Variants in RSL1D1 observed in about 807,000 individuals in gnomAD.
RSL1D1 encodes the protein ribosomal L1 domain-containing protein 1.
A neutral mutation model predicts 44.6 loss-of-function variants in RSL1D1; 34 were observed. The ratio of observed to expected loss-of-function variants is 0.76; its 90% CI spans 0.58 to 1.02. RSL1D1 has a LOEUF of 1.02. Among genes scored for constraint, RSL1D1 ranks in the 50% least tolerant of loss-of-function variants. The probability of loss-of-function intolerance (pLI) is 0.00; values close to 1 mark genes in which losing one functional copy is unlikely to be tolerated. For synonymous variants in RSL1D1, 271 were observed against 207.4 expected, an observed-to-expected ratio of 1.31 and a Z score of -2.63; for missense variants, 767 against 568.1, an observed-to-expected ratio of 1.35 and a Z score of -3.56.
Position 11,839,952 on chromosome 16 carries a change from C to T in RSL1D1, c.889G>A (p.Glu297Lys), listed in dbSNP as rs1382624183. ...ARRKRRERNF[E>K]KQKERKKKRQ... ...TTCTTCTTCCTCTCCTTTTGTTTTT[C>T]AAAATTTCTTTCTCTTCGTTTTCTC... The change falls in exon 8 of 9, where the codon GAA becomes AAA. Residue 297 changes from glutamate (E) to lysine (K), a missense_variant. Glu to Lys is a moderately conservative substitution (Grantham distance 56, BLOSUM62 1). Coordinates refer to ENST00000571133, the MANE Select transcript of RSL1D1 (RefSeq NM_015659.3). 6 of 1,612,198 alleles carry T rather than the reference C, an allele frequency of 3.7e-6. No homozygotes were observed. The South Asian group carries it at 5.5e-5, about 15-fold the overall frequency.
At chr16:11,840,230 G>C (rs2053755831) in intron 7 of RSL1D1, among the ~76,000 whole-genome samples, 1 of 152,190 alleles carries the variant, frequency 6.6e-6, no homozygotes, top group Non-Finnish European at 1.5e-5. Context: ...AAAGTATACA[G>C]TTAAGAGACT....
At chr16:11,849,730 G>A (rs1170660270) in intron 2 of RSL1D1, among the ~76,000 whole-genome samples, 1 of 152,042 alleles carries the variant, frequency 6.6e-6, no homozygotes, top group Non-Finnish European at 1.5e-5. Context: ...TTATTCTTTC[G>A]AACACCACGT....
intron 8 of RSL1D1, among the ~76,000 whole-genome samples, chr16:11,839,031 G>A (rs1361048993): frequency 1.3e-5 from 2 of 152,078 alleles, no homozygotes; most frequent in Non-Finnish European, 2.9e-5. Context: ...CACATCCCTG[G>A]CACATGGTGT....
At chr16:11,847,268 G>C (rs931473006) in intron 3 of RSL1D1, among the ~76,000 whole-genome samples, 21 of 152,094 alleles carry the variant, frequency 1.4e-4, no homozygotes, top group African/African-American at 5.1e-4. Context: ...CCAGCTATTC[G>C]GTAGGCTGAG....
At chr16:11,848,657 C>T (rs1467084552) in intron 2 of RSL1D1, among the ~76,000 whole-genome samples, 1 of 152,136 alleles carries the variant, frequency 6.6e-6, no homozygotes, top group Non-Finnish European at 1.5e-5. Context: ...GTAGGCCCAG[C>T]TAATTTTTGT....
intron 2 of RSL1D1, 25 bp from the exon 3 acceptor site, chr16:11,847,831 G>A (rs374543951): frequency 8.1e-6 from 13 of 1,608,210 alleles, no homozygotes; most frequent in African/African-American, 6.7e-5. Flanking sequence ...AAAAGAAACC[G>A]AGGAAAGCAT....
Position 11,846,823 on chromosome 16 carries a change from T to C in RSL1D1, c.405A>G (p.Leu135=), listed in dbSNP as rs779409320. The change falls in exon 4 of 9, where the codon CTA becomes CTG. Residue 135 remains leucine, a synonymous_variant. Transcript: ENST00000571133. Reference sequence around the variant, plus strand: ...CTTCATAGGATTTATATTCCTTCTTTAGAGTTTGGAGGGAGATAATCTAGG... The same window carrying C: ...CTTCATAGGATTTATATTCCTTCTTCAGAGTTTGGAGGGAGATAATCTAGG... ...TVSQIISLQT[L]KKEYKSYEAK... 1.9e-6 allele frequency: 3 copies of C among 1,610,888 alleles called. No individual in the cohort carries two copies. The highest frequency in any genetic ancestry group is 1.7e-5 in the Admixed American group (1 of 60,002).
In RSL1D1 at chr16:11,837,987, C is replaced by G. The variant is rs772881396; in HGVS notation, c.1273G>C (p.Gly425Arg). The G allele has an allele frequency of 9.3e-6, 15 of 1,613,854 alleles. No homozygotes were observed. Among genetic ancestry groups the G allele is most frequent in the Admixed American group, 1.7e-5 (1 of 59,950 alleles). The change falls in exon 9 of 9, where the codon GGG becomes CGG. Residue 425 changes from glycine (G) to arginine (R), a missense_variant. Transcript: ENST00000571133. ...TTTGGCTTCTTCTCTGGGCTTTTCC[C>G]TGGGGTCTCAGACTCTGCAGCTTTT... ...TPKAAESETP[G>R]KSPEKKPKIK...
chr16:11,843,849 C>T (rs1473522024), intron 5 of RSL1D1, among the ~76,000 whole-genome samples: 4 of 112,164 alleles, frequency 3.6e-5, no homozygotes, highest in African/African-American at 6.9e-5. Context: ...CTAGCCTGGG[C>T]GACAGAGCAA....
Position 11,842,165 on chromosome 16 carries a change from A to C in RSL1D1, c.636-165T>G, listed in dbSNP as rs1596439765. On this transcript the variant is annotated intron_variant, in intron 5 of 8. Coordinates refer to ENST00000571133, the MANE Select transcript of RSL1D1 (RefSeq NM_015659.3). Reference sequence around the variant, plus strand: ...AACATGGCAAAATCCTGTCTCTACCACACTAACAAAAATTAACTGGGCATG... The same window carrying C: ...AACATGGCAAAATCCTGTCTCTACCCCACTAACAAAAATTAACTGGGCATG... Among the ~76,000 whole-genome samples the C allele has an allele frequency of 2.0e-5, 3 of 152,272 alleles. No homozygotes were observed. In the South Asian group the frequency reaches 6.2e-4, roughly 32 times the overall value.
chr16:11,842,689 G>A (rs2053770927), intron 5 of RSL1D1, among the ~76,000 whole-genome samples: 3 of 151,690 alleles, frequency 2.0e-5, no homozygotes, highest in Admixed American at 1.3e-4. Context: ...ATGTTTTAAA[G>A]GAAGATTATC....
intron 5 of RSL1D1, among the ~76,000 whole-genome samples, chr16:11,842,922 A>ATTT (rs34129214): frequency 9.4e-6 from 1 of 106,772 alleles, no homozygotes; most frequent in Non-Finnish European, 1.9e-5. Flanking sequence ...CGCCCAGCTA[A>ATTT]TTTTTTTTTT....
intron 5 of RSL1D1, among the ~76,000 whole-genome samples, chr16:11,845,087 A>C (rs2053788172): frequency 1.3e-5 from 2 of 152,188 alleles, no homozygotes; most frequent in Non-Finnish European, 2.9e-5. Flanking sequence ...ATAAGTGCTG[A>C]ATTCATTTAA....
In RSL1D1 at chr16:11,834,706, T is replaced by G. The variant is rs1268023536; in HGVS notation, c.*3081A>C. The G allele has an allele frequency of 6.6e-6, 1 of 152,206 alleles. No homozygotes were observed. The highest frequency in any genetic ancestry group is 1.5e-5 in the Non-Finnish European group (1 of 68,016). The allele number at this position is 152,206 out of a possible 1,614,324, so 9.4% of individuals were successfully genotyped here. On this transcript the variant is annotated 3_prime_UTR_variant, in exon 9 of 9. Transcript: ENST00000571133. The stretch of plus-strand genomic sequence containing the variant: ...CAATCAATTAAGCTAAACCCCCACA[T>G]TTTAGATGTATATTCATTTATAGAA...
At chr16:11,848,930 A>G (rs1392063292) in intron 2 of RSL1D1, among the ~76,000 whole-genome samples, 1 of 151,722 alleles carries the variant, frequency 6.6e-6, no homozygotes, top group East Asian at 1.9e-4. Context: ...GACGCCCACC[A>G]TCATGTCTGG....
intron 5 of RSL1D1, among the ~76,000 whole-genome samples, chr16:11,844,980 T>C (rs1269172956): frequency 6.6e-6 from 1 of 152,142 alleles, no homozygotes; most frequent in African/African-American, 2.4e-5. Flanking sequence ...TCTGTTCTAG[T>C]AGGTAAGACT....
intron 2 of RSL1D1, 130 bp downstream of exon 2, chr16:11,850,149 T>C (rs191311276): frequency 3.4e-6 from 3 of 876,248 alleles, no homozygotes; most frequent in African/African-American, 1.8e-5. Flanking sequence ...TTGGACATAG[T>C]TGTTTTACTT....
intron 2 of RSL1D1, 33 bp downstream of exon 2, chr16:11,850,246 T>C (rs2053827708): frequency 1.9e-6 from 3 of 1,549,850 alleles, no homozygotes; most frequent in Non-Finnish European, 2.6e-6. Context: ...AACACACAGA[T>C]AAAAACAGCA....
chr16:11,841,775 C>T lies in RSL1D1; in HGVS notation c.775G>A (p.Ala259Thr). Reference sequence around the variant, plus strand: ...AACGAGGAAAAGATGGGAAGTGCAGCCGATTTCTCAGTTTTCACAAACAGG... The same window carrying T: ...AACGAGGAAAAGATGGGAAGTGCAGTCGATTTCTCAGTTTTCACAAACAGG... Reference protein sequence around the residue: ...KLLFVKTEKSAALPIFSSFVS... With the variant: ...KLLFVKTEKSTALPIFSSFVS... The change falls in exon 7 of 9, where the codon GCT becomes ACT. Residue 259 changes from alanine (A) to threonine (T), a missense_variant. By Grantham distance (58) the Ala-to-Thr change is moderately conservative. Coordinates refer to ENST00000571133, the MANE Select transcript of RSL1D1 (RefSeq NM_015659.3). 6.2e-7 allele frequency: 1 copy of T among 1,614,038 alleles called. No homozygotes were observed. The highest frequency in any genetic ancestry group is 8.5e-7 in the Non-Finnish European group (1 of 1,179,970).
Sources: allele counts gnomAD v4.1 joint callset (sites outside exome capture counted in the v4.1 genomes callset), GRCh38; gene constraint gnomAD v4.1.1; transcripts MANE v1.5; gene names NCBI Gene and HGNC (gene_info 2026-07-23, HGNC 2026-07-21).